COPS4: variants seen among roughly 807,000 people sequenced by gnomAD.
COPS4 encodes COP9 signalosome complex subunit 4.
COPS4 carries 8 observed loss-of-function variants against 55.1 expected under a neutral mutation model. The ratio of observed to expected loss-of-function variants is 0.15; its 90% CI spans 0.09 to 0.26. The LOEUF (loss-of-function observed/expected upper bound fraction) is 0.26, where lower values mean the gene tolerates loss of function less well. COPS4 is among the 10% of genes least tolerant of loss of function. COPS4 has a pLI of 1.00. For synonymous variants in COPS4, 185 were observed against 165.7 expected, an observed-to-expected ratio of 1.12 and a Z score of -0.90; for missense variants, 248 against 484.0, an observed-to-expected ratio of 0.51 and a Z score of 4.58.
chr4:83,075,785 G>T lies in COPS4; in HGVS notation c.*355G>T, dbSNP rs1560446701. On this transcript the variant is annotated 3_prime_UTR_variant, in exon 10 of 10. Coordinates refer to ENST00000264389, the MANE Select transcript of COPS4 (RefSeq NM_016129.3). Reference sequence around the variant, plus strand: ...TGGTTATTCTAATAAATGGAGAAATGAGCCAAATAAAAGTAGTACTTTGTT... The same window carrying T: ...TGGTTATTCTAATAAATGGAGAAATTAGCCAAATAAAAGTAGTACTTTGTT... 1 of 173,754 alleles carries T rather than the reference G, an allele frequency of 5.8e-6. No homozygotes were observed. Among genetic ancestry groups the T allele is most frequent in the Non-Finnish European group, 1.2e-5 (1 of 82,222 alleles). 10.8% of individuals were successfully genotyped at this position (173,754 alleles called of 1,614,324 possible).
chr4:83,068,103 TAAG>T (rs1194426234), intron 8 of COPS4, among the ~76,000 whole-genome samples: 4 of 152,164 alleles, frequency 2.6e-5, no homozygotes, highest in Admixed American at 2.0e-4. Flanking sequence ...TGAAATAAAA[TAAG>T]AAAAACTAGT....
intron 9 of COPS4, 57 bp from the exon 10 acceptor site, chr4:83,075,240 C>CA: frequency 5.2e-6 from 8 of 1,541,586 alleles, no homozygotes; most frequent in Non-Finnish European, 7.1e-6. Context: ...TTTTAACTCA[C>CA]AGTTGCTGTG....
intron 2 of COPS4, 33 bp downstream of exon 2, chr4:83,045,738 T>G (rs1730692756): frequency 1.4e-6 from 2 of 1,464,502 alleles, no homozygotes; most frequent in Admixed American, 1.7e-5. Context: ...GCTTGCCTTG[T>G]ATTACTGAGC....
intron 1 of COPS4, among the ~76,000 whole-genome samples, chr4:83,037,390 G>A (rs183589774): frequency 1.4e-4 from 22 of 152,314 alleles, no homozygotes; most frequent in Non-Finnish European, 2.2e-4. Context: ...AGGGAGACAC[G>A]ATTCATTGGA....
At chr4:83,065,015 A>AG (rs1408368770) in intron 7 of COPS4, 1 of 672,194 alleles carries the variant, frequency 1.5e-6, no homozygotes, top group Non-Finnish European at 2.7e-6. Flanking sequence ...CCAGAAGCTT[A>AG]GGCATGTGCC....
chr4:83,054,298 C>T (rs980563113), intron 4 of COPS4, among the ~76,000 whole-genome samples: 3 of 152,256 alleles, frequency 2.0e-5, no homozygotes, highest in East Asian at 3.9e-4. Context: ...GCCAAGATCA[C>T]ACCACTGCAC....
chr4:83,072,865 C>CTT (rs202184586), intron 9 of COPS4, among the ~76,000 whole-genome samples: 5 of 151,084 alleles, frequency 3.3e-5, no homozygotes, highest in Non-Finnish European at 5.9e-5. Context: ...CTTCCCACTC[C>CTT]TTTTTTTTTG....
chr4:83,054,293 GA>G (rs1284208974), intron 4 of COPS4, among the ~76,000 whole-genome samples: 1 of 152,176 alleles, frequency 6.6e-6, no homozygotes, highest in African/African-American at 2.4e-5. Context: ...AGTGAGCCAA[GA>G]TCACACCACT....
chr4:83,068,559 G>A (rs1731345552), intron 9 of COPS4, 37 bp downstream of exon 9: 7 of 1,227,920 alleles, frequency 5.7e-6, no homozygotes, highest in African/African-American at 1.5e-5. Context: ...TAATGAAATA[G>A]CAGTGAACTG....
At chr4:83,073,175 G>T in intron 9 of COPS4, 1 of 610,168 alleles carries the variant, frequency 1.6e-6, no homozygotes, top group Non-Finnish European at 3.0e-6. Context: ...TGCCCTTTAA[G>T]CAGTTACTCT....
At chr4:83,067,014 T>C (rs1442412609) in intron 8 of COPS4, among the ~76,000 whole-genome samples, 2 of 152,210 alleles carry the variant, frequency 1.3e-5, no homozygotes, top group African/African-American at 4.8e-5. Context: ...CGTGCAGTTA[T>C]GGGTCGCATC....
At chr4:83,059,640 T>C (rs890173544) in intron 6 of COPS4, among the ~76,000 whole-genome samples, 22 of 152,028 alleles carry the variant, frequency 1.4e-4, no homozygotes, top group African/African-American at 5.3e-4. Context: ...ATGTTTAAAA[T>C]TTTTTTTCAA....
intron 8 of COPS4, 65 bp downstream of exon 8, chr4:83,066,618 A>T: frequency 1.4e-6 from 1 of 733,784 alleles, no homozygotes; most frequent in South Asian, 1.8e-5. Context: ...AATAATGAGA[A>T]AATAAAATAA....
At chr4:83,037,900 C>G (rs1201423421) in intron 1 of COPS4, among the ~76,000 whole-genome samples, 1 of 152,154 alleles carries the variant, frequency 6.6e-6, no homozygotes, top group Non-Finnish European at 1.5e-5. Context: ...CTAAAAAGCT[C>G]ATTTTAAACC....
intron 6 of COPS4, among the ~76,000 whole-genome samples, chr4:83,061,686 T>G (rs985403248): frequency 6.6e-6 from 1 of 152,172 alleles, no homozygotes; most frequent in African/African-American, 2.4e-5. Flanking sequence ...ATGTTTAAAT[T>G]GTTCCAATCA....
chr4:83,037,025 T>C (rs1730441228), intron 1 of COPS4, among the ~76,000 whole-genome samples: 1 of 152,210 alleles, frequency 6.6e-6, no homozygotes, highest in Admixed American at 6.5e-5. Flanking sequence ...CTATGATTTC[T>C]CAGGATTCTA....
intron 4 of COPS4, among the ~76,000 whole-genome samples, chr4:83,052,660 T>G (rs1356496563): frequency 6.6e-6 from 1 of 152,222 alleles, no homozygotes; most frequent in African/African-American, 2.4e-5. Flanking sequence ...AACCAAGCTG[T>G]AGTGCAGTGG....
In COPS4 at chr4:83,063,140, C is replaced by T. The variant is rs1042526172; in HGVS notation, c.780C>T (p.Ala260=). 6.2e-7 allele frequency: 1 copy of T among 1,608,136 alleles called. No homozygotes were observed. Among genetic ancestry groups the T allele is most frequent in the East Asian group, 2.2e-5 (1 of 44,462 alleles). ...FKDERCQQLA[A]YGILEKMYLD... ...ATGAAAGGTGCCAGCAACTTGCTGC[C>T]TATGGGATCCTAGAGAAAATGTATC... The change falls in exon 7 of 10, where the codon GCC becomes GCT. Residue 260 remains alanine, a synonymous_variant. Coordinates refer to ENST00000264389, the MANE Select transcript of COPS4 (RefSeq NM_016129.3).
chr4:83,052,223 C>T (rs368304072), intron 4 of COPS4, among the ~76,000 whole-genome samples: 20 of 152,162 alleles, frequency 1.3e-4, no homozygotes, highest in African/African-American at 4.8e-4. Context: ...TGACAGCAGA[C>T]GTTAGGCTAA....
Sources: gnomAD v4.1 joint callset for allele counts (sites outside exome capture counted in the v4.1 genomes callset) on GRCh38, gnomAD v4.1.1 for gene constraint, MANE v1.5 for transcripts, NCBI Gene and HGNC (gene_info 2026-07-23, HGNC 2026-07-21) for gene names.